The following GAK variants were observed in gnomAD, a reference collection of about 807,000 sequenced individuals.
The protein encoded by GAK is cyclin G associated kinase.
GAK carries 79 observed loss-of-function variants against 143.9 expected under a neutral mutation model. The ratio of observed to expected loss-of-function variants is 0.55; its 90% CI spans 0.46 to 0.66. GAK has a LOEUF of 0.66. Ranked by LOEUF, GAK falls within the 30% of genes least tolerant of loss-of-function variation. GAK has a pLI of 0.00. For missense variants in GAK, 1,693 were observed against 1,779.7 expected, an observed-to-expected ratio of 0.95 and a Z score of 0.88; for synonymous variants, 881 against 765.5, an observed-to-expected ratio of 1.15 and a Z score of -2.49.
rs147683833 is a variant in GAK, at chr4:877,674, G to A, written c.1797C>T (p.Cys599=). The change falls in exon 16 of 28, where the codon TGC becomes TGT. Residue 599 remains cysteine, a synonymous_variant. Coordinates refer to ENST00000314167, the MANE Select transcript of GAK (RefSeq NM_005255.4). ...CACGCTCGTCCCCCACGTAGACCTCGCAGAAGGGCCTGCAGCCGCTCCTCT... is the reference window on the plus strand; with the variant it reads ...CACGCTCGTCCCCCACGTAGACCTCACAGAAGGGCCTGCAGCCGCTCCTCT... ...SKQRSGCRPF[C]EVYVGDERVA... The A allele has an allele frequency of 1.0e-4, 167 of 1,610,990 alleles. 1 individual carries two copies. Among genetic ancestry groups the A allele is most frequent in the Admixed American group, 1.3e-4 (8 of 59,488 alleles).
chr4:869,975 C>T (rs2152761782), intron 19 of GAK: 1 of 151,460 alleles, frequency 6.6e-6, no homozygotes, highest in South Asian at 2.1e-4. Context: ...AACGCACACA[C>T]AGCACATACC....
rs1156530179 is a variant in GAK, at chr4:932,229, G to C, written c.-42C>G. On this transcript the variant is annotated 5_prime_UTR_variant, in exon 1 of 28. Coordinates refer to ENST00000314167, the MANE Select transcript of GAK (RefSeq NM_005255.4). This position sits in a 1 kb window ranked among gnomAD's most constrained non-coding sequence, Gnocchi z 4.0. ...CACCCCGCGGCAGCCGGAGTGGTCG[G>C]GCTCGGGCTCCCGCTCCCTCGCCGT... The C allele has an allele frequency of 4.7e-6, 7 of 1,489,038 alleles. 1 individual carries two copies. The South Asian group carries it at 9.1e-5, about 19-fold the overall frequency. The allele number at this position is 1,489,038 out of a possible 1,614,324, so 92.2% of individuals were successfully genotyped here. A position where few individuals can be genotyped will look rare whatever the true frequency, so the allele number is the denominator to read the frequency against.
At chr4:890,360 AG>A in intron 10 of GAK, among the ~76,000 whole-genome samples, 171 bp downstream of exon 10, 1 of 152,284 alleles carries the variant, frequency 6.6e-6, no homozygotes, top group East Asian at 1.9e-4. Context: ...TGTGAGCCCC[AG>A]GGAACTGCCG....
chr4:882,068 C>A (rs371450722), intron 14 of GAK, 28 bp from the exon 15 acceptor site: 1 of 1,572,730 alleles, frequency 6.4e-7, no homozygotes, highest in East Asian at 2.3e-5. Flanking sequence ...GTCTCGCGTG[C>A]GCCTCGCACT....
chr4:851,595 G>A (rs889842703), intron 25 of GAK, 155 bp downstream of exon 25: 20 of 721,180 alleles, frequency 2.8e-5, no homozygotes, highest in Non-Finnish European at 4.2e-5. Context: ...AGAGACCAGT[G>A]AACACACATC....
At chr4:889,658 G>A (rs1187261006) in intron 10 of GAK, among the ~76,000 whole-genome samples, 2 of 152,196 alleles carry the variant, frequency 1.3e-5, no homozygotes, top group African/African-American at 4.8e-5. Flanking sequence ...TCCTCCCTGG[G>A]AAGCGGAGGT....
rs752214040 is a variant in GAK at position 866,495 on chromosome 4, T to A, written c.2912A>T (p.Asn971Ile). ...FGPLLPSSGN[N>I]SQPCSNPDLF... ...ATCAGGATTGGAGCAGGGCTGGGAG[T>A]TGTTGCCTGAAGACGGCAGAAGCGG... Residue 971 changes from asparagine (N) to isoleucine (I), a missense_variant, in exon 22 of 28, where the codon AAC (asparagine) becomes ATC (isoleucine). Coordinates refer to ENST00000314167, the MANE Select transcript of GAK (RefSeq NM_005255.4). 3.1e-6 allele frequency: 5 copies of A among 1,613,484 alleles called. No homozygotes were observed. The highest frequency in any genetic ancestry group is 3.4e-6 in the Non-Finnish European group (4 of 1,179,834).
chr4:856,583 C>CCACAGCTGCTCACAGCTGCT (rs1560281672), intron 24 of GAK, among the ~76,000 whole-genome samples: 4 of 73,450 alleles, frequency 5.4e-5, no homozygotes, highest in African/African-American at 6.2e-5. Context: ...CAGCTGCTCA[C>CCACAGCTGCTCACAGCTGCT]CACCACAGGT....
intron 4 of GAK, among the ~76,000 whole-genome samples, chr4:905,412 C>G (rs1385792562): frequency 6.6e-6 from 1 of 152,154 alleles, no homozygotes; most frequent in Admixed American, 6.5e-5. Flanking sequence ...CCTCCCTGGC[C>G]CCAGGCCACG....
intron 15 of GAK, among the ~76,000 whole-genome samples, 157 bp from the exon 16 acceptor site, chr4:877,966 G>A (rs1560337103): frequency 6.6e-6 from 1 of 151,458 alleles, no homozygotes; most frequent in African/African-American, 2.4e-5. Context: ...TTTTCATTTA[G>A]TTATATATAT....
At chr4:906,745 C>T (rs1721153805) in intron 4 of GAK, among the ~76,000 whole-genome samples, 1 of 152,246 alleles carries the variant, frequency 6.6e-6, no homozygotes. Flanking sequence ...CCCCTGAAGG[C>T]CACGACCCCT....
In GAK at chr4:868,680, G is replaced by A; in HGVS notation, c.2254C>T (p.Pro752Ser). The A allele has an allele frequency of 6.5e-7, 1 of 1,550,266 alleles. No homozygotes were observed. The highest frequency in any genetic ancestry group is 2.4e-5 in the East Asian group (1 of 40,946). ...GAGCCAGGCTGCCGGGGAAGCTCCG[G>A]CTTCCCTGCAGGAGAGGGAGGGCGT... ...QQDILSKFGKPELPRQPGSTA... is the reference protein window; with the variant it reads ...QQDILSKFGKSELPRQPGSTA... Residue 752 changes from proline (P) to serine (S), a missense_variant, in exon 20 of 28, where the codon CCG (proline) becomes TCG (serine). Around this residue, in one of 2 missense-constraint regions of GAK, gnomAD observed 822 missense variants for 788.7 expected, o/e 1.04. Transcript: ENST00000314167.
intron 5 of GAK, among the ~76,000 whole-genome samples, chr4:899,464 C>T (rs1410648033): frequency 6.6e-6 from 1 of 152,118 alleles, no homozygotes; most frequent in Non-Finnish European, 1.5e-5. Flanking sequence ...AGCACACCAG[C>T]CACGGACGGA....
Position 888,985 on chromosome 4 carries a change from A to C in GAK, c.1082-15T>G, listed in dbSNP as rs777576023. 1.2e-6 allele frequency: 2 copies of C among 1,606,722 alleles called. No individual in the cohort carries two copies. Among genetic ancestry groups the C allele is most frequent in the East Asian group, 2.2e-5 (1 of 44,656 alleles). On this transcript the variant is annotated splice_polypyrimidine_tract_variant and intron_variant, in intron 10 of 27. Coordinates refer to ENST00000314167, the MANE Select transcript of GAK (RefSeq NM_005255.4). ...CAGCGCCAGGCCTGCAGGGAGACAC[A>C]GTCTCAGCAGGCCCCAGGTGCTCGG...
At chr4:912,541 TA>T (rs566078260) in intron 3 of GAK, 193 bp downstream of exon 3, 2,593 of 450,604 alleles carry the variant, frequency 5.8e-3, no homozygotes, top group Middle Eastern at 9.2e-3. Flanking sequence ...ACCCTGGCAG[TA>T]AAAAAAAAAC....
chr4:863,157 G>A (rs1750591282), intron 23 of GAK, among the ~76,000 whole-genome samples: 1 of 152,228 alleles, frequency 6.6e-6, no homozygotes. Flanking sequence ...AACCCTCAAG[G>A]ATGACTTTGA....
At chr4:863,094 C>T (rs1011299927) in intron 23 of GAK, among the ~76,000 whole-genome samples, 3 of 152,234 alleles carry the variant, frequency 2.0e-5, no homozygotes, top group African/African-American at 7.2e-5. Flanking sequence ...TCACGATTCA[C>T]AGGAAGAGGT....
chr4:881,543 T>TC (rs1455655936), intron 15 of GAK, among the ~76,000 whole-genome samples: 1 of 152,104 alleles, frequency 6.6e-6, no homozygotes, highest in African/African-American at 2.4e-5. Context: ...ACTGTACTCA[T>TC]GTCTGAGCAG....
At position 849,376 on chromosome 4, in the gene GAK, C is replaced by A; in HGVS notation, c.*297G>T. ...CATGAGCGCCAGCAGCGTGGCCCACCACGTGCCGGGGCTCCAGAGGCCACG... is the reference window on the plus strand; with the variant it reads ...CATGAGCGCCAGCAGCGTGGCCCACAACGTGCCGGGGCTCCAGAGGCCACG... On this transcript the variant is annotated 3_prime_UTR_variant, in exon 28 of 28. Transcript: ENST00000314167. The A allele has an allele frequency of 2.2e-6, 1 of 465,052 alleles. No homozygotes were observed. 28.8% of individuals were successfully genotyped at this position (465,052 alleles called of 1,614,324 possible).
Sources: allele counts gnomAD v4.1 joint callset (sites outside exome capture counted in the v4.1 genomes callset), GRCh38; gene constraint gnomAD v4.1.1; regional missense constraint gnomAD v4.1.1; non-coding constraint Gnocchi (gnomAD v3.1); transcripts MANE v1.5; gene names NCBI Gene and HGNC (gene_info 2026-07-23, HGNC 2026-07-21).